The following ACTR3C variants were observed in gnomAD, a reference collection of about 807,000 sequenced individuals.
ACTR3C encodes the protein actin related protein 3C.
ACTR3C carries 18 observed loss-of-function variants against 26.3 expected under a neutral mutation model. The ratio of observed to expected loss-of-function variants is 0.68; its 90% CI spans 0.47 to 1.01. The LOEUF (loss-of-function observed/expected upper bound fraction) is 1.01. Ranked by LOEUF, ACTR3C falls within the 50% of genes least tolerant of loss-of-function variation. ACTR3C has a pLI of 0.00. For synonymous variants in ACTR3C, 55 were observed against 94.5 expected, an observed-to-expected ratio of 0.58 and a Z score of 2.42; for missense variants, 184 against 250.7, an observed-to-expected ratio of 0.73 and a Z score of 1.80.
At chr7:150,028,388 G>A in the ACTR3C span, among the ~76,000 whole-genome samples, 1 of 152,302 alleles carries the variant, frequency 6.6e-6, no homozygotes, top group Non-Finnish European at 1.5e-5. Context: ...GTGTGCATTT[G>A]TGTAAGTGCA....
At chr7:149,897,492 A>C in the ACTR3C span, among the ~76,000 whole-genome samples, 1 of 152,234 alleles carries the variant, frequency 6.6e-6, no homozygotes, top group South Asian at 2.1e-4. Context: ...CAAATTAGTA[A>C]ACATATACAA....
chr7:149,912,302 G>A, the ACTR3C span, among the ~76,000 whole-genome samples: 1,912 of 150,596 alleles, frequency 0.013, 44 homozygotes, highest in African/African-American at 0.041. Context: ...TAGGCTCACA[G>A]CTCTAAAATT....
chr7:150,176,272 G>GC, the ACTR3C span, among the ~76,000 whole-genome samples: 1 of 150,562 alleles, frequency 6.6e-6, no homozygotes, highest in Non-Finnish European at 1.5e-5. Flanking sequence ...ATTTCTTGAG[G>GC]CCTTTTTTTA....
the ACTR3C span, among the ~76,000 whole-genome samples, chr7:150,009,917 A>G: frequency 0.37 from 56,917 of 152,116 alleles, 10,799 homozygotes; most frequent in East Asian, 0.46. Flanking sequence ...CTTCAGCTGT[A>G]AAGAGCAGAC....
At chr7:150,249,382 T>G (rs1236502432) in intron 6 of ACTR3C, among the ~76,000 whole-genome samples, 1 of 152,158 alleles carries the variant, frequency 6.6e-6, no homozygotes, top group African/African-American at 2.4e-5. Context: ...ACAGGAGAAA[T>G]TTGTTGCATA....
chr7:150,163,727 G>A, the ACTR3C span, among the ~76,000 whole-genome samples: 1 of 151,930 alleles, frequency 6.6e-6, no homozygotes, highest in African/African-American at 2.4e-5. Flanking sequence ...CGAGTCCAAG[G>A]GCCAGAGAAG....
chr7:150,185,468 A>T, the ACTR3C span, among the ~76,000 whole-genome samples: 1 of 152,228 alleles, frequency 6.6e-6, no homozygotes, highest in Non-Finnish European at 1.5e-5. Flanking sequence ...TATCTTTAAG[A>T]TGACTGAATT....
the ACTR3C span, among the ~76,000 whole-genome samples, chr7:150,094,963 C>G: frequency 7.0e-6 from 1 of 143,854 alleles, no homozygotes; most frequent in East Asian, 2.0e-4. Flanking sequence ...ACCCCCAGCC[C>G]CCACAGCCCC....
At chr7:149,903,387 C>T in the ACTR3C span, among the ~76,000 whole-genome samples, 3 of 151,812 alleles carry the variant, frequency 2.0e-5, no homozygotes, top group African/African-American at 4.8e-5. Flanking sequence ...TAAAGGTTGC[C>T]GGATTAAAAA....
the ACTR3C span, among the ~76,000 whole-genome samples, chr7:150,155,273 C>A: frequency 6.6e-6 from 1 of 152,114 alleles, no homozygotes; most frequent in African/African-American, 2.4e-5. Context: ...TCCTGTTACA[C>A]TTGACTTTGT....
chr7:150,154,779 A>G, the ACTR3C span, among the ~76,000 whole-genome samples: 2 of 152,120 alleles, frequency 1.3e-5, no homozygotes, highest in Non-Finnish European at 2.9e-5. Context: ...ATTTAGCCAC[A>G]TGCAGAACTG....
chr7:149,971,724 C>G, the ACTR3C span, among the ~76,000 whole-genome samples: 1 of 152,210 alleles, frequency 6.6e-6, no homozygotes, highest in East Asian at 1.9e-4. Context: ...AGTGGAGTGT[C>G]ATGTCTCCCT....
the ACTR3C span, among the ~76,000 whole-genome samples, chr7:150,209,065 A>G: frequency 6.6e-6 from 1 of 152,152 alleles, no homozygotes; most frequent in African/African-American, 2.4e-5. Context: ...TTGAAGACAT[A>G]ATAATAAAAA....
At chr7:149,946,701 G>A in the ACTR3C span, among the ~76,000 whole-genome samples, 1 of 152,190 alleles carries the variant, frequency 6.6e-6, no homozygotes, top group Non-Finnish European at 1.5e-5. Flanking sequence ...GTTCCAAATT[G>A]AAGGTGAAAT....
At chr7:150,203,619 G>A in the ACTR3C span, among the ~76,000 whole-genome samples, 34 of 152,258 alleles carry the variant, frequency 2.2e-4, no homozygotes, top group African/African-American at 8.2e-4. Flanking sequence ...AGGCTGGAGT[G>A]CAGTGGCATG....
chr7:150,203,198 C>A, the ACTR3C span, among the ~76,000 whole-genome samples: 8,229 of 152,254 alleles, frequency 0.054, 352 homozygotes, highest in African/African-American at 0.11. Flanking sequence ...TTTTAACAAG[C>A]ACACCAAGAT....
chr7:150,286,165 T>C (rs575373432), intron 5 of ACTR3C, among the ~76,000 whole-genome samples: 1 of 152,164 alleles, frequency 6.6e-6, no homozygotes, highest in East Asian at 1.9e-4. Context: ...AACCCATCCT[T>C]AACTATTAAA....
At chr7:149,942,899 G>A in the ACTR3C span, among the ~76,000 whole-genome samples, 34 of 151,566 alleles carry the variant, frequency 2.2e-4, no homozygotes, top group Non-Finnish European at 4.4e-4. Context: ...GGGAATTGAA[G>A]GAACAATTAT....
At chr7:150,091,980 T>C in the ACTR3C span, among the ~76,000 whole-genome samples, 1 of 47,634 alleles carries the variant, frequency 2.1e-5, no homozygotes, top group African/African-American at 6.4e-5. Flanking sequence ...AGAGCGAGAC[T>C]CCGTCTCAAA....
Sources: allele counts gnomAD v4.1 joint callset (sites outside exome capture counted in the v4.1 genomes callset), GRCh38; gene constraint gnomAD v4.1.1; transcripts MANE v1.5; gene names NCBI Gene and HGNC (gene_info 2026-07-23, HGNC 2026-07-21).